The following FYB2 variants were observed in gnomAD, a reference collection of about 807,000 sequenced individuals.
FYB2 encodes the protein FYN-binding protein 2.
A neutral mutation model predicts 94.1 loss-of-function variants in FYB2; 103 were observed. The observed-to-expected ratio is 1.09, with a 90% CI of 0.93 to 1.29. The LOEUF is 1.29. Ranked by LOEUF, FYB2 falls within the 50% of genes most tolerant of loss-of-function variation. The probability of loss-of-function intolerance (pLI) is 0.00; values close to 1 mark genes in which losing one functional copy is unlikely to be tolerated. For missense variants in FYB2, 896 were observed against 841.5 expected, an observed-to-expected ratio of 1.06 and a Z score of -0.80; for synonymous variants, 293 against 287.9, an observed-to-expected ratio of 1.02 and a Z score of -0.18.
At chr1:56,731,579 A>C (rs1207562592) in intron 15 of FYB2, among the ~76,000 whole-genome samples, 1 of 152,094 alleles carries the variant, frequency 6.6e-6, no homozygotes, top group Non-Finnish European at 1.5e-5. Context: ...CACTGGCTTC[A>C]TCATGTGAAG....
chr1:56,723,302 TGAA>T (rs1489557743), intron 17 of FYB2, among the ~76,000 whole-genome samples: 1 of 151,932 alleles, frequency 6.6e-6, no homozygotes, highest in Non-Finnish European at 1.5e-5. Context: ...TAAAATGTGC[TGAA>T]GGAGTAACTT....
At chr1:56,764,661 A>G (rs147245929) in intron 5 of FYB2, among the ~76,000 whole-genome samples, 42 of 152,296 alleles carry the variant, frequency 2.8e-4, no homozygotes, top group African/African-American at 1.0e-3. Flanking sequence ...AAATTTTATA[A>G]AAGCTGCTTT....
chr1:56,789,461 C>G (rs1646211363), intron 2 of FYB2, among the ~76,000 whole-genome samples: 1 of 152,206 alleles, frequency 6.6e-6, no homozygotes, highest in South Asian at 2.1e-4. Context: ...ACTGGCTTCT[C>G]CATTCTCCGT....
At chr1:56,820,624 C>T (rs938569439), upstream of FYB2, among the ~76,000 whole-genome samples, 1 of 152,226 alleles carries the variant, frequency 6.6e-6, no homozygotes, top group Non-Finnish European at 1.5e-5. Context: ...ACAGGTGATT[C>T]CCAAACCTGG....
chr1:56,820,277 C>T (rs1001286314), upstream of FYB2, among the ~76,000 whole-genome samples: 1 of 151,682 alleles, frequency 6.6e-6, no homozygotes, highest in African/African-American at 2.4e-5. Context: ...ATGGTAACAC[C>T]TGCCCATGGT....
intron 4 of FYB2, among the ~76,000 whole-genome samples, chr1:56,770,899 G>A (rs549922372): frequency 6.6e-6 from 1 of 152,190 alleles, no homozygotes. Context: ...TAGTGAACAG[G>A]GAAATGGAAA....
intron 15 of FYB2, among the ~76,000 whole-genome samples, chr1:56,734,698 G>T (rs568684392): frequency 6.6e-6 from 1 of 152,108 alleles, no homozygotes; most frequent in African/African-American, 2.4e-5. Flanking sequence ...AGCATTAGGA[G>T]AAATACTTAA....
upstream of FYB2, among the ~76,000 whole-genome samples, chr1:56,819,965 C>T (rs1004750572): frequency 1.3e-5 from 2 of 152,116 alleles, no homozygotes; most frequent in African/African-American, 4.8e-5. Context: ...CAGTGGCTCA[C>T]ACCTGCAATC....
chr1:56,741,833 A>G (rs1428605522), intron 12 of FYB2, among the ~76,000 whole-genome samples: 2 of 152,082 alleles, frequency 1.3e-5, no homozygotes, highest in Non-Finnish European at 2.9e-5. Flanking sequence ...AGTTTTATTA[A>G]TATTTACATC....
chr1:56,812,098 A>G (rs1646781849), intron 1 of FYB2, among the ~76,000 whole-genome samples: 1 of 152,216 alleles, frequency 6.6e-6, no homozygotes, highest in Non-Finnish European at 1.5e-5. Context: ...ATCAACAACT[A>G]TGAATATTAG....
chr1:56,778,010 C>A (rs1645921836), intron 4 of FYB2, among the ~76,000 whole-genome samples: 1 of 152,084 alleles, frequency 6.6e-6, no homozygotes, highest in Non-Finnish European at 1.5e-5. Flanking sequence ...GATCTCATCC[C>A]TTCCCATGTC....
intron 1 of FYB2, among the ~76,000 whole-genome samples, chr1:56,795,257 C>T (rs540773117): frequency 6.6e-6 from 1 of 152,162 alleles, no homozygotes; most frequent in Admixed American, 6.5e-5. Flanking sequence ...TGTCTTATTT[C>T]ACTTATTACA....
intron 9 of FYB2, among the ~76,000 whole-genome samples, chr1:56,749,533 C>T (rs965326822): frequency 2.0e-5 from 3 of 151,466 alleles, no homozygotes; most frequent in Non-Finnish European, 4.4e-5. Flanking sequence ...TTATTTTTTC[C>T]TTTTCAAATA....
In FYB2 at chr1:56,740,881, A is replaced by G; in HGVS notation, c.1605-86T>C. On this transcript the variant is annotated intron_variant, in intron 12 of 19. Transcript: ENST00000343433. ...CTGTTGTATTATAAAATCAAATGCC[A>G]CATGTTCTCACTTGTAAGTGGGAGC... 6 of 838,324 alleles carry G rather than the reference A, an allele frequency of 7.2e-6. No individual in the cohort carries two copies. The South Asian group carries it at 1.2e-4, about 17-fold the overall frequency. The allele number at this position is 838,324 out of a possible 1,614,324, so 51.9% of individuals were successfully genotyped here. A position where few individuals can be genotyped will look rare whatever the true frequency, so the allele number is the denominator to read the frequency against.
chr1:56,758,171 T>TGTA (rs1384896868), intron 6 of FYB2, among the ~76,000 whole-genome samples: 146 of 152,134 alleles, frequency 9.6e-4, no homozygotes, highest in Non-Finnish European at 1.8e-3. Flanking sequence ...ATACCTTCAT[T>TGTA]TATCTTATTT....
intron 1 of FYB2, among the ~76,000 whole-genome samples, chr1:56,812,553 C>G (rs1333387634): frequency 6.6e-6 from 1 of 152,090 alleles, no homozygotes; most frequent in Admixed American, 6.5e-5. Flanking sequence ...TTTGTAACTT[C>G]TCTGTATTTA....
chr1:56,742,872 A>C (rs879589330), intron 11 of FYB2, among the ~76,000 whole-genome samples: 25 of 152,034 alleles, frequency 1.6e-4, no homozygotes, highest in Non-Finnish European at 2.2e-4. Context: ...TAAACTTCTG[A>C]GATTCTAAGA....
intron 7 of FYB2, among the ~76,000 whole-genome samples, chr1:56,754,187 C>T (rs945855932): frequency 6.6e-6 from 1 of 152,000 alleles, no homozygotes; most frequent in Non-Finnish European, 1.5e-5. Context: ...TAGGATAAAA[C>T]TTAAGTTTCA....
intron 1 of FYB2, among the ~76,000 whole-genome samples, chr1:56,817,589 G>A (rs1646912717): frequency 6.6e-6 from 1 of 152,146 alleles, no homozygotes; most frequent in Non-Finnish European, 1.5e-5. Flanking sequence ...TGCATCTGCA[G>A]CACCAAAGCA....
Sources: allele counts gnomAD v4.1 joint callset (sites outside exome capture counted in the v4.1 genomes callset), GRCh38; gene constraint gnomAD v4.1.1; transcripts MANE v1.5; gene names NCBI Gene and HGNC (gene_info 2026-07-23, HGNC 2026-07-21).